The following DNAH7 variants were observed in gnomAD, a reference collection of about 807,000 sequenced individuals.
The protein encoded by DNAH7 is dynein axonemal heavy chain 7.
A neutral mutation model predicts 444.6 loss-of-function variants in DNAH7; 397 were observed. The observed-to-expected ratio is 0.89, with a 90% CI of 0.82 to 0.97. DNAH7 has a LOEUF of 0.97. DNAH7 is among the 50% of genes least tolerant of loss of function. DNAH7 has a pLI of 0.00. For missense variants in DNAH7, 4,902 were observed against 4,800.8 expected (o/e 1.02, Z -0.62); for synonymous variants, 1,636 against 1,624.4 (o/e 1.01, Z -0.17).
intron 24 of DNAH7, among the ~76,000 whole-genome samples, chr2:195,917,226 T>C (rs771531466): frequency 2.7e-5 from 4 of 150,724 alleles, no homozygotes; most frequent in African/African-American, 4.9e-5. Context: ...CGATAAGATC[T>C]CAGGAGTTGG....
At chr2:195,871,333 C>T (rs1439269232) in intron 40 of DNAH7, among the ~76,000 whole-genome samples, 2 of 152,136 alleles carry the variant, frequency 1.3e-5, no homozygotes, top group African/African-American at 2.4e-5. Flanking sequence ...GGGTCTTGCT[C>T]TATCACCCAG....
intron 15 of DNAH7, among the ~76,000 whole-genome samples, chr2:195,974,002 A>T (rs756855808): frequency 1.2e-4 from 19 of 152,054 alleles, no homozygotes; most frequent in Non-Finnish European, 2.5e-4. Context: ...GCTTGAACCC[A>T]GGAGGCAGTG....
chr2:195,792,925 G>GTTAT (rs1297837508), intron 57 of DNAH7, among the ~76,000 whole-genome samples: 6 of 151,796 alleles, frequency 4.0e-5, no homozygotes, highest in South Asian at 2.1e-4. Context: ...TTGTACTATT[G>GTTAT]TTATTTATTT....
chr2:195,891,305 GGGTGGAGGAA>G (rs1319930482), intron 31 of DNAH7, among the ~76,000 whole-genome samples: 1 of 152,246 alleles, frequency 6.6e-6, no homozygotes, highest in African/African-American at 2.4e-5. Context: ...CCCACAGAGT[GGGTGGAGGAA>G]GAACATTACT....
chr2:195,933,620 A>C (rs1186880550), intron 21 of DNAH7, among the ~76,000 whole-genome samples: 5 of 151,968 alleles, frequency 3.3e-5, no homozygotes, highest in African/African-American at 1.2e-4. Flanking sequence ...GAAGCTGGAA[A>C]CCATCATTCT....
Position 196,001,674 on chromosome 2 carries a change from C to G in DNAH7, c.1173+1G>C, listed in dbSNP as rs369227001. 3 of 1,546,704 alleles carry G rather than the reference C, an allele frequency of 1.9e-6. No individual in the cohort carries two copies. In the African/African-American group the frequency reaches 4.2e-5, roughly 21 times the overall value. On this transcript the variant is annotated splice_donor_variant, in intron 11 of 64. Coordinates refer to ENST00000312428, the MANE Select transcript of DNAH7 (RefSeq NM_018897.3). LOFTEE classifies it high-confidence loss of function. ...ATATTGGTGAACTGAACCATACTTA[C>G]TGGGGGTTGTGCAATTAAGTCCGTG...
Position 195,948,506 on chromosome 2 carries a change from C to A in DNAH7, c.3078+8755G>T, listed in dbSNP as rs547499064. 4.5e-4 allele frequency among the ~76,000 whole-genome samples: 69 copies of A among 152,192 alleles called. 2 individuals carry two copies. The highest frequency in any genetic ancestry group is 1.6e-3 in the African/African-American group (68 of 41,540). ...AAGGGGTCCAGTTTCAGTTTTCTGC[C>A]TATGGCTAGCCAGTTTTCCCAACAC... On this transcript the variant is annotated intron_variant, in intron 19 of 64. Coordinates refer to ENST00000312428, the MANE Select transcript of DNAH7 (RefSeq NM_018897.3).
chr2:196,011,830 T>C (rs1374560494), intron 10 of DNAH7, among the ~76,000 whole-genome samples: 1 of 152,160 alleles, frequency 6.6e-6, no homozygotes, highest in East Asian at 1.9e-4. Flanking sequence ...AAATTTACAG[T>C]GGTAATGTAT....
intron 6 of DNAH7, among the ~76,000 whole-genome samples, chr2:196,027,577 A>T (rs1423657354): frequency 1.3e-5 from 2 of 152,082 alleles, no homozygotes; most frequent in Admixed American, 6.6e-5. Flanking sequence ...TTTACATTTT[A>T]AAAAATTATT....
intron 58 of DNAH7, among the ~76,000 whole-genome samples, chr2:195,782,836 T>C (rs1324983137): frequency 2.0e-5 from 3 of 152,212 alleles, no homozygotes; most frequent in Non-Finnish European, 2.9e-5. Context: ...TCTCCTACCA[T>C]TGTGTTTTGG....
intron 47 of DNAH7, among the ~76,000 whole-genome samples, 175 bp downstream of exon 47, chr2:195,844,827 C>T (rs1698888672): frequency 6.6e-6 from 1 of 152,088 alleles, no homozygotes. Flanking sequence ...GTGTCTAATA[C>T]TCAACTATTA....
intron 24 of DNAH7, among the ~76,000 whole-genome samples, chr2:195,921,623 G>A (rs1181490656): frequency 6.6e-6 from 1 of 152,106 alleles, no homozygotes; most frequent in East Asian, 1.9e-4. Context: ...CAGGATAAAA[G>A]ACTACACATT....
At chr2:195,981,989 C>T (rs370462928) in intron 15 of DNAH7, among the ~76,000 whole-genome samples, 4 of 152,098 alleles carry the variant, frequency 2.6e-5, no homozygotes, top group African/African-American at 7.2e-5. Flanking sequence ...TAAAAAGCTG[C>T]TACATGGCAA....
intron 51 of DNAH7, among the ~76,000 whole-genome samples, chr2:195,814,724 G>GT (rs982885604): frequency 1.3e-5 from 2 of 151,958 alleles, no homozygotes; most frequent in African/African-American, 4.8e-5. Context: ...TAGCACTGTC[G>GT]TAACTACTGG....
At chr2:196,010,843 AT>A (rs1421182944) in intron 10 of DNAH7, among the ~76,000 whole-genome samples, 1 of 152,228 alleles carries the variant, frequency 6.6e-6, no homozygotes, top group Non-Finnish European at 1.5e-5. Flanking sequence ...TAATCCTGTC[AT>A]TTGCAGCAAC....
At chr2:195,915,106 C>A (rs558267600) in intron 24 of DNAH7, among the ~76,000 whole-genome samples, 36 of 152,278 alleles carry the variant, frequency 2.4e-4, no homozygotes, top group Non-Finnish European at 4.4e-4. Flanking sequence ...AAAAATAGGG[C>A]ACAATCTTTG....
At chr2:195,922,011 T>G in intron 24 of DNAH7, 77 bp downstream of exon 24, 1 of 818,006 alleles carries the variant, frequency 1.2e-6, no homozygotes, top group East Asian at 2.5e-5. Flanking sequence ...AGAGACAATT[T>G]GGTATTTTTA....
chr2:195,759,751 C>T (rs1030107711), intron 61 of DNAH7, among the ~76,000 whole-genome samples: 1 of 152,042 alleles, frequency 6.6e-6, no homozygotes, highest in Non-Finnish European at 1.5e-5. Flanking sequence ...GCTTGGGGGG[C>T]TGAGGCAAGA....
At chr2:195,889,340 G>T (rs1701888244) in intron 31 of DNAH7, among the ~76,000 whole-genome samples, 1 of 145,684 alleles carries the variant, frequency 6.9e-6, no homozygotes. Context: ...TTTTTTCAGG[G>T]TCTCACTCTG....
Sources: gnomAD v4.1 joint callset for allele counts (sites outside exome capture counted in the v4.1 genomes callset) on GRCh38, gnomAD v4.1.1 for gene constraint, MANE v1.5 for transcripts, NCBI Gene and HGNC (gene_info 2026-07-23, HGNC 2026-07-21) for gene names.